ERG: variants seen among roughly 807,000 people sequenced by gnomAD.
ERG encodes the protein ETS transcription factor ERG.
A neutral mutation model predicts 55.3 loss-of-function variants in ERG; 9 were observed. That is an observed-to-expected ratio of 0.16 (90% CI 0.10 to 0.28). The LOEUF (loss-of-function observed/expected upper bound fraction) is 0.28. Among genes scored for constraint, ERG ranks in the 10% least tolerant of loss-of-function variants. ERG has a pLI of 1.00. For synonymous variants in ERG, 223 were observed against 237.3 expected (o/e 0.94, Z 0.55); for missense variants, 434 against 631.6 (o/e 0.69, Z 3.35).
chr21:38,616,664 G>C (rs973533110), intron 1 of ERG, among the ~76,000 whole-genome samples: 5 of 152,106 alleles, frequency 3.3e-5, no homozygotes. Flanking sequence ...CAAGGATGCA[G>C]AAAGAAACTG....
chr21:38,641,653 C>A (rs574219241), intron 1 of ERG, among the ~76,000 whole-genome samples: 3 of 152,186 alleles, frequency 2.0e-5, no homozygotes, highest in Admixed American at 6.5e-5. Flanking sequence ...ATGACATAAA[C>A]CTCTTCCAAA....
At chr21:38,406,657 A>AT (rs577597991) in intron 3 of ERG, among the ~76,000 whole-genome samples, 39 of 147,856 alleles carry the variant, frequency 2.6e-4, no homozygotes, top group African/African-American at 5.4e-4. Flanking sequence ...TGGGAGGACT[A>AT]TTTTTTTTTT....
chr21:38,612,663 C>CTT (rs869196064), intron 1 of ERG, among the ~76,000 whole-genome samples: 17 of 137,956 alleles, frequency 1.2e-4, no homozygotes, highest in South Asian at 6.9e-4. Context: ...TTGACATTTC[C>CTT]TTTTTTTTTT....
chr21:38,403,698 A>G lies in ERG; in HGVS notation c.400T>C (p.Trp134Arg). 1 of 1,614,154 alleles carries G rather than the reference A, an allele frequency of 6.2e-7. No individual in the cohort carries two copies. The highest frequency in any genetic ancestry group is 8.5e-7 in the Non-Finnish European group (1 of 1,179,988). The part of the protein sequence containing the change: ...RVIVPADPTL[W>R]STDHVRQWLE... ...CACTGCCGCACATGGTCTGTACTCC[A>G]TAGCGTAGGATCTGAAAGGGGTGGG... The change falls in exon 4 of 10, where the codon TGG becomes CGG. Residue 134 changes from tryptophan (W) to arginine (R), a missense_variant. Physicochemically the swap from Trp to Arg is moderately radical, Grantham distance 101 (BLOSUM62 -3). Around this residue, in one of 5 missense-constraint regions of ERG, gnomAD observed 212 missense variants for 262.9 expected, o/e 0.81. Coordinates refer to ENST00000288319, the MANE Select transcript of ERG (RefSeq NM_182918.4).
chr21:38,565,292 C>A (rs1157026165), intron 2 of ERG, among the ~76,000 whole-genome samples: 2 of 152,188 alleles, frequency 1.3e-5, no homozygotes, highest in Non-Finnish European at 2.9e-5. Context: ...GTTCCCCACA[C>A]AACAGCCAAC....
the ERG span, among the ~76,000 whole-genome samples, chr21:38,372,324 A>G: frequency 9.9e-5 from 15 of 151,928 alleles, no homozygotes; most frequent in African/African-American, 3.6e-4. Flanking sequence ...CAGTTGTTCA[A>G]TTTGTTAATT....
At chr21:38,399,407 C>T (rs1157413870) in intron 6 of ERG, among the ~76,000 whole-genome samples, 2 of 152,164 alleles carry the variant, frequency 1.3e-5, no homozygotes, top group African/African-American at 4.8e-5. Context: ...GTTGCCAAGC[C>T]TAGATCTTGA....
At chr21:38,402,452 C>A in intron 5 of ERG, 105 bp downstream of exon 5, 2 of 766,792 alleles carry the variant, frequency 2.6e-6, no homozygotes, top group Non-Finnish European at 4.4e-6. Flanking sequence ...CATCTACCTG[C>A]GTTCTGTCTT....
chr21:38,476,301 G>C (rs1023129962), intron 1 of ERG, among the ~76,000 whole-genome samples: 1 of 152,144 alleles, frequency 6.6e-6, no homozygotes, highest in Non-Finnish European at 1.5e-5. Context: ...AGAGAGAGGC[G>C]GGCTGCAATC....
intron 2 of ERG, among the ~76,000 whole-genome samples, chr21:38,539,680 T>C (rs2059737430): frequency 6.6e-6 from 1 of 152,094 alleles, no homozygotes; most frequent in Non-Finnish European, 1.5e-5. Context: ...AGCCCCTGCC[T>C]GTCTGGCTCC....
intron 1 of ERG, among the ~76,000 whole-genome samples, chr21:38,650,960 G>T (rs542454355): frequency 6.6e-6 from 1 of 152,304 alleles, no homozygotes; most frequent in East Asian, 1.9e-4. Flanking sequence ...ATAATCAATT[G>T]TATTATTCTC....
At chr21:38,423,345 G>T in intron 3 of ERG, 65 bp downstream of exon 3, 2 of 1,531,320 alleles carry the variant, frequency 1.3e-6, no homozygotes, top group South Asian at 1.2e-5. Flanking sequence ...AGAGCTCCCT[G>T]AGGCTCAGCC....
At chr21:38,648,499 C>A (rs1435797752) in intron 1 of ERG, among the ~76,000 whole-genome samples, 2 of 152,206 alleles carry the variant, frequency 1.3e-5, no homozygotes, top group African/African-American at 4.8e-5. Context: ...TGTTTTCTGT[C>A]CTGAAAATCC....
At chr21:38,578,178 T>A (rs1248760337) in intron 1 of ERG, among the ~76,000 whole-genome samples, 1 of 152,232 alleles carries the variant, frequency 6.6e-6, no homozygotes, top group East Asian at 1.9e-4. Context: ...GGGAGGCAGC[T>A]TCCAGCTGAG....
At position 38,447,414 on chromosome 21, in the gene ERG, A is replaced by G. The variant is rs2058902183; in HGVS notation, c.19-1793T>C. Among the ~76,000 whole-genome samples the G allele has an allele frequency of 2.0e-5, 3 of 151,398 alleles. No homozygotes were observed. The South Asian group carries it at 6.3e-4, about 32-fold the overall frequency. ...AAAGAGTCAGGTAGGCCAGACAGAG[A>G]ACCAGAATCAGGCACAAGGGAAAAA... On this transcript the variant is annotated intron_variant, in intron 1 of 9. Coordinates refer to ENST00000288319, the MANE Select transcript of ERG (RefSeq NM_182918.4).
intron 1 of ERG, among the ~76,000 whole-genome samples, chr21:38,643,878 G>C (rs2060440336): frequency 6.6e-6 from 1 of 152,184 alleles, no homozygotes; most frequent in African/African-American, 2.4e-5. Flanking sequence ...GGCCACGTGG[G>C]GCAGGAAGAA....
downstream of ERG, among the ~76,000 whole-genome samples, chr21:38,376,704 T>G (rs1006486524): frequency 6.6e-6 from 1 of 152,162 alleles, no homozygotes; most frequent in Admixed American, 6.5e-5. Flanking sequence ...AGACAGAAAA[T>G]CCTGAGGCCG....
At chr21:38,370,373 G>C in the ERG span, among the ~76,000 whole-genome samples, 1 of 151,902 alleles carries the variant, frequency 6.6e-6, no homozygotes, top group Non-Finnish European at 1.5e-5. Flanking sequence ...CCAGCAGGTA[G>C]TTTATCTTTT....
chr21:38,414,620 T>C (rs963473650), intron 3 of ERG, among the ~76,000 whole-genome samples: 5 of 152,178 alleles, frequency 3.3e-5, no homozygotes, highest in Non-Finnish European at 1.5e-5. Context: ...ATTTTGGTGA[T>C]GAAAAACCTG....
Sources: allele counts gnomAD v4.1 joint callset (sites outside exome capture counted in the v4.1 genomes callset), GRCh38; gene constraint gnomAD v4.1.1; regional missense constraint gnomAD v4.1.1; transcripts MANE v1.5; gene names NCBI Gene and HGNC (gene_info 2026-07-23, HGNC 2026-07-21).